Variants in MICU3 observed in about 807,000 individuals in gnomAD.
The protein encoded by MICU3 is calcium uptake protein 3, mitochondrial.
MICU3 carries 62 observed loss-of-function variants against 66.5 expected under a neutral mutation model. The observed-to-expected ratio is 0.93, with a 90% CI of 0.76 to 1.15. The LOEUF (loss-of-function observed/expected upper bound fraction) is 1.15, where lower values mean the gene tolerates loss of function less well. MICU3 is among the 50% of genes most tolerant of loss of function. The probability of loss-of-function intolerance (pLI) is 0.00; values close to 1 mark genes in which losing one functional copy is unlikely to be tolerated. For missense variants in MICU3, 779 were observed against 664.4 expected, an observed-to-expected ratio of 1.17 and a Z score of -1.90; for synonymous variants, 308 against 240.7, an observed-to-expected ratio of 1.28 and a Z score of -2.59.
At chr8:17,068,400 G>T (rs1181708211) in intron 2 of MICU3, among the ~76,000 whole-genome samples, 41 of 152,114 alleles carry the variant, frequency 2.7e-4, no homozygotes, top group Admixed American at 2.7e-3. Context: ...AATACCTTCT[G>T]AGCATTGCAT....
chr8:17,105,363 C>G (rs767982662), intron 10 of MICU3, 50 bp from the exon 11 acceptor site: 2 of 1,146,288 alleles, frequency 1.7e-6, no homozygotes, highest in East Asian at 2.5e-5. Flanking sequence ...TCTCCTGTTA[C>G]GATTACTCTT....
chr8:17,133,438 T>C, the MICU3 span, among the ~76,000 whole-genome samples: 1 of 152,202 alleles, frequency 6.6e-6, no homozygotes, highest in East Asian at 1.9e-4. Context: ...AATATATAGA[T>C]CATTTGGCTG....
At chr8:17,133,759 C>T in the MICU3 span, among the ~76,000 whole-genome samples, 3 of 152,062 alleles carry the variant, frequency 2.0e-5, no homozygotes, top group Non-Finnish European at 2.9e-5. Context: ...AATAATTCTT[C>T]CTTTTTGCCA....
chr8:17,062,864 G>A (rs866473819), intron 1 of MICU3, among the ~76,000 whole-genome samples: 3 of 150,956 alleles, frequency 2.0e-5, no homozygotes, highest in Middle Eastern at 6.9e-3. Flanking sequence ...GGGTGACAGA[G>A]TGAGACTCTG....
chr8:17,135,092 T>A, the MICU3 span, among the ~76,000 whole-genome samples: 1 of 152,176 alleles, frequency 6.6e-6, no homozygotes, highest in African/African-American at 2.4e-5. Flanking sequence ...TATGCATACC[T>A]ATTGTTGCTT....
At chr8:17,042,775 C>G (rs908741305) in intron 1 of MICU3, among the ~76,000 whole-genome samples, 1 of 152,002 alleles carries the variant, frequency 6.6e-6, no homozygotes, top group African/African-American at 2.4e-5. Context: ...GAAGTGTATA[C>G]AAAAGAATTT....
intron 1 of MICU3, among the ~76,000 whole-genome samples, chr8:17,057,133 C>CA (rs1817068691): frequency 1.3e-5 from 2 of 152,168 alleles, no homozygotes; most frequent in Admixed American, 1.3e-4. Context: ...TTTAAACAGA[C>CA]AGAGTTTAGA....
At chr8:17,048,421 G>C (rs1032289898) in intron 1 of MICU3, among the ~76,000 whole-genome samples, 2 of 152,130 alleles carry the variant, frequency 1.3e-5, no homozygotes, top group Non-Finnish European at 2.9e-5. Context: ...GAGCATGTGC[G>C]GGGGAACGCC....
chr8:17,134,752 C>G, the MICU3 span, among the ~76,000 whole-genome samples: 2 of 152,126 alleles, frequency 1.3e-5, no homozygotes, highest in Non-Finnish European at 2.9e-5. Flanking sequence ...CGAAAGTCAG[C>G]CTTTTTGTTC....
At chr8:17,039,901 T>C (rs1341680972) in intron 1 of MICU3, among the ~76,000 whole-genome samples, 3 of 117,072 alleles carry the variant, frequency 2.6e-5, no homozygotes, top group South Asian at 6.6e-4. Flanking sequence ...CATTCTTTTT[T>C]TTTTTTTTTT....
intron 8 of MICU3, among the ~76,000 whole-genome samples, chr8:17,093,218 A>G (rs538537762): frequency 6.6e-6 from 1 of 152,160 alleles, no homozygotes; most frequent in Non-Finnish European, 1.5e-5. Context: ...AGTGATGAAA[A>G]GAAGTACAGA....
chr8:17,065,460 G>A (rs993040363), intron 2 of MICU3, among the ~76,000 whole-genome samples: 2 of 152,150 alleles, frequency 1.3e-5, no homozygotes, highest in Admixed American at 1.3e-4. Context: ...AGCTGTATAG[G>A]ATGAGAATAT....
chr8:17,126,640 T>C (rs983624191), downstream of MICU3, among the ~76,000 whole-genome samples: 2 of 152,226 alleles, frequency 1.3e-5, no homozygotes, highest in Non-Finnish European at 2.9e-5. Flanking sequence ...AAGCACATTT[T>C]TAACACTTAG....
intron 7 of MICU3, among the ~76,000 whole-genome samples, chr8:17,088,087 C>A (rs1306650085): frequency 6.6e-6 from 1 of 151,782 alleles, no homozygotes; most frequent in Non-Finnish European, 1.5e-5. Context: ...TATTCAATCC[C>A]AATATATTTA....
intron 1 of MICU3, among the ~76,000 whole-genome samples, chr8:17,051,918 G>C (rs943671313): frequency 6.6e-6 from 1 of 152,120 alleles, no homozygotes; most frequent in Non-Finnish European, 1.5e-5. Flanking sequence ...CACTTTCTAA[G>C]GTGGGAGGAA....
At chr8:17,084,196 T>G (rs147253531) in intron 5 of MICU3, among the ~76,000 whole-genome samples, 11 of 152,108 alleles carry the variant, frequency 7.2e-5, no homozygotes, top group African/African-American at 2.4e-4. Context: ...ACTGTATTTT[T>G]CCCTCCAAAC....
chr8:17,064,561 C>A (rs1306311738), intron 2 of MICU3, among the ~76,000 whole-genome samples: 9 of 152,090 alleles, frequency 5.9e-5, no homozygotes, highest in Non-Finnish European at 1.3e-4. Flanking sequence ...TTGAGGTTAG[C>A]CCTGGGCAAG....
intron 8 of MICU3, among the ~76,000 whole-genome samples, chr8:17,094,041 C>A (rs1746033548): frequency 6.6e-6 from 1 of 151,882 alleles, no homozygotes; most frequent in Non-Finnish European, 1.5e-5. Context: ...TAAACACAAT[C>A]ATGACTTTTA....
At chr8:17,034,068 G>C (rs536690401) in intron 1 of MICU3, among the ~76,000 whole-genome samples, 1 of 152,194 alleles carries the variant, frequency 6.6e-6, no homozygotes, top group East Asian at 1.9e-4. Context: ...TGGCCCTTTT[G>C]TTAGGGGCTA....
Sources: allele counts gnomAD v4.1 joint callset (sites outside exome capture counted in the v4.1 genomes callset), GRCh38; gene constraint gnomAD v4.1.1; transcripts MANE v1.5; gene names NCBI Gene and HGNC (gene_info 2026-07-23, HGNC 2026-07-21).